TULP4: variants seen among roughly 807,000 people sequenced by gnomAD.
TULP4 encodes TUB like protein 4, also known as tubby-related protein 4.
A neutral mutation model predicts 129.0 loss-of-function variants in TULP4; 16 were observed. That is an observed-to-expected ratio of 0.12 (90% confidence interval 0.08 to 0.19). The LOEUF (loss-of-function observed/expected upper bound fraction) is 0.19, where lower values mean the gene tolerates loss of function less well. Among genes scored for constraint, TULP4 ranks in the 10% least tolerant of loss-of-function variants. The pLI, the probability that TULP4 is intolerant of heterozygous loss-of-function variation, is 1.00. For missense variants in TULP4, 1,842 were observed against 2,059.1 expected, an observed-to-expected ratio of 0.89 and a Z score of 2.04; for synonymous variants, 998 against 854.0, an observed-to-expected ratio of 1.17 and a Z score of -2.94.
At chr6:158,237,810 A>G (rs1719630499) in intron 1 of TULP4, 2 of 769,312 alleles carry the variant, frequency 2.6e-6, no homozygotes, top group African/African-American at 1.7e-5. Flanking sequence ...GAGACATACT[A>G]TCTGATGATG....
intron 1 of TULP4, among the ~76,000 whole-genome samples, chr6:158,235,058 C>T (rs1289039937): frequency 6.6e-6 from 1 of 151,892 alleles, no homozygotes; most frequent in Non-Finnish European, 1.5e-5. Context: ...TCCCAGCTAC[C>T]TGAGAGGCAG....
At chr6:158,299,125 A>T (rs950713051) in intron 1 of TULP4, among the ~76,000 whole-genome samples, 1 of 151,916 alleles carries the variant, frequency 6.6e-6, no homozygotes, top group African/African-American at 2.4e-5. Context: ...GAGTATCCAT[A>T]CTAGGCCTCG....
rs572034678 is a variant in TULP4, at chr6:158,319,578, C to T, written c.252+5310C>T. ...GTCAGATCTAGTCGTCTGCTAATTT[C>T]ACAACTGAATTAAAAAGGAAAAAAA... is the stretch of plus-strand genomic sequence containing the variant. On this transcript the variant is annotated intron_variant, in intron 1 of 13. Coordinates refer to ENST00000367097, the MANE Select transcript of TULP4 (RefSeq NM_020245.5). Among the ~76,000 whole-genome samples the T allele has an allele frequency of 6.6e-5, 10 of 152,274 alleles. No homozygotes were observed. In the East Asian group the frequency reaches 1.5e-3, roughly 23 times the overall value.
At chr6:158,403,956 A>C (rs900067597) in intron 1 of TULP4, among the ~76,000 whole-genome samples, 2 of 152,226 alleles carry the variant, frequency 1.3e-5, no homozygotes, top group Admixed American at 1.3e-4. Flanking sequence ...CAAAACACCT[A>C]ACCTCCCTAA....
upstream of TULP4, among the ~76,000 whole-genome samples, chr6:158,308,365 G>A (rs1779254862): frequency 6.6e-6 from 1 of 152,016 alleles, no homozygotes; most frequent in Admixed American, 6.6e-5. Context: ...ATTTTTCTTA[G>A]TACAGAACAA....
chr6:158,506,219 G>GTTT (rs1319583457), intron 13 of TULP4, among the ~76,000 whole-genome samples: 5 of 70,882 alleles, frequency 7.1e-5, no homozygotes, highest in Non-Finnish European at 1.4e-4. Context: ...TGCTCGCCTT[G>GTTT]TTCTTTTTTT....
chr6:158,250,580 TGGTA>T (rs1328387505), intron 1 of TULP4, among the ~76,000 whole-genome samples: 3 of 152,216 alleles, frequency 2.0e-5, no homozygotes, highest in African/African-American at 7.2e-5. Flanking sequence ...GGTTCAGAAA[TGGTA>T]GGAGTATTGT....
chr6:158,482,108 C>A (rs574758081), intron 8 of TULP4, among the ~76,000 whole-genome samples: 2 of 152,216 alleles, frequency 1.3e-5, no homozygotes, highest in South Asian at 2.1e-4. Flanking sequence ...ACTGAGTCAT[C>A]TTTGTGCCCT....
At chr6:158,320,990 C>T (rs1283573423) in intron 1 of TULP4, among the ~76,000 whole-genome samples, 1 of 152,042 alleles carries the variant, frequency 6.6e-6, no homozygotes, top group East Asian at 1.9e-4. Context: ...GATCAATGTA[C>T]CCTGTCATTC....
intron 6 of TULP4, among the ~76,000 whole-genome samples, chr6:158,466,957 A>G (rs1779567221): frequency 6.6e-6 from 1 of 152,172 alleles, no homozygotes; most frequent in African/African-American, 2.4e-5. Context: ...TCCAATCTCA[A>G]TGAAGGTCTG....
At chr6:158,309,048 C>T (rs1223972815), upstream of TULP4, among the ~76,000 whole-genome samples, 5 of 140,942 alleles carry the variant, frequency 3.5e-5, no homozygotes, top group African/African-American at 7.8e-5. Flanking sequence ...CCACCTCCCT[C>T]CCGGACGGGG....
chr6:158,247,877 C>T (rs1424853847), intron 1 of TULP4, among the ~76,000 whole-genome samples: 1 of 152,174 alleles, frequency 6.6e-6, no homozygotes, highest in African/African-American at 2.4e-5. Context: ...AGTGATGTTA[C>T]CATAGGCTGA....
chr6:158,366,284 C>T (rs148470641), intron 1 of TULP4, among the ~76,000 whole-genome samples: 165 of 152,250 alleles, frequency 1.1e-3, no homozygotes, highest in African/African-American at 3.9e-3. Context: ...CTTCTTTGTC[C>T]CCCTCTGTGC....
chr6:158,282,361 AT>A (rs1460059253), exon 1 of TULP4: 1 of 152,016 alleles, frequency 6.6e-6, no homozygotes, highest in Non-Finnish European at 1.5e-5. Flanking sequence ...AATAGAACTG[AT>A]TTGTTACTTC....
chr6:158,365,413 T>TC (rs1780911988), intron 1 of TULP4, among the ~76,000 whole-genome samples: 1 of 151,832 alleles, frequency 6.6e-6, no homozygotes, highest in Non-Finnish European at 1.5e-5. Context: ...TTTTTTTTTT[T>TC]CTGGTTATTT....
At chr6:158,420,773 C>T (rs1778322039) in intron 2 of TULP4, among the ~76,000 whole-genome samples, 1 of 150,452 alleles carries the variant, frequency 6.6e-6, no homozygotes, top group African/African-American at 2.4e-5. Flanking sequence ...CGTGAGCCAC[C>T]TCGCCCGGCC....
chr6:158,405,819 G>A (rs1157041059), intron 1 of TULP4, among the ~76,000 whole-genome samples: 2 of 152,148 alleles, frequency 1.3e-5, no homozygotes, highest in Admixed American at 6.5e-5. Flanking sequence ...TATGTCAGAC[G>A]TACAAGCCTT....
intron 1 of TULP4, among the ~76,000 whole-genome samples, chr6:158,351,706 A>ATTTT (rs1780528116): frequency 1.4e-5 from 1 of 72,796 alleles, no homozygotes; most frequent in Non-Finnish European, 2.8e-5. Flanking sequence ...GTGTTGTTAA[A>ATTTT]CTTTTTTTTT....
At chr6:158,491,518 T>TGATGA (rs1554296519) in intron 9 of TULP4, among the ~76,000 whole-genome samples, 1 of 149,046 alleles carries the variant, frequency 6.7e-6, no homozygotes, top group Admixed American at 6.7e-5. Context: ...CTTTCTTTCT[T>TGATGA]GTCTCGCTCT....
Sources: allele counts gnomAD v4.1 joint callset (sites outside exome capture counted in the v4.1 genomes callset), GRCh38; gene constraint gnomAD v4.1.1; transcripts MANE v1.5; gene names NCBI Gene and HGNC (gene_info 2026-07-23, HGNC 2026-07-21).